LRP6: variants seen among roughly 807,000 people sequenced by gnomAD.
LRP6 encodes low-density lipoprotein receptor-related protein 6.
LRP6 carries 43 observed loss-of-function variants against 184.1 expected under a neutral mutation model. The observed-to-expected ratio is 0.23, with a 90% CI of 0.18 to 0.30. The LOEUF (loss-of-function observed/expected upper bound fraction) is 0.30, where lower values mean the gene tolerates loss of function less well. LRP6 is among the 10% of genes least tolerant of loss of function. The pLI, the probability that LRP6 is intolerant of heterozygous loss-of-function variation, is 1.00. For synonymous variants in LRP6, 719 were observed against 684.9 expected (o/e 1.05, Z -0.78); for missense variants, 1,571 against 2,005.3 (o/e 0.78, Z 4.14).
chr12:12,127,698 T>C (rs542766408), intron 19 of LRP6, among the ~76,000 whole-genome samples: 1 of 152,236 alleles, frequency 6.6e-6, no homozygotes, highest in East Asian at 1.9e-4. Context: ...GTGAGCTTAT[T>C]GAAATTAGAG....
chr12:12,130,997 A>G (rs1489434050), intron 18 of LRP6, 104 bp from the exon 19 acceptor site: 2 of 713,094 alleles, frequency 2.8e-6, no homozygotes, highest in African/African-American at 1.8e-5. Context: ...AAAACAAATT[A>G]GACTTTTAGC....
chr12:12,251,075 C>A (rs145252893), intron 1 of LRP6, among the ~76,000 whole-genome samples: 271 of 151,188 alleles, frequency 1.8e-3, no homozygotes, highest in African/African-American at 6.5e-3. Context: ...GGATTACAGG[C>A]GCTCGCCACC....
At chr12:12,162,170 A>AC in intron 10 of LRP6, 23 bp downstream of exon 10, 1 of 1,587,928 alleles carries the variant, frequency 6.3e-7, no homozygotes, top group Non-Finnish European at 8.6e-7. Context: ...AGTTGCAAAG[A>AC]ATGCACATGT....
At chr12:12,193,426 A>G (rs1863668685) in intron 3 of LRP6, among the ~76,000 whole-genome samples, 1 of 151,728 alleles carries the variant, frequency 6.6e-6, no homozygotes, top group South Asian at 2.1e-4. Context: ...AGGGGGAAAA[A>G]TCAATAAAAC....
intron 2 of LRP6, among the ~76,000 whole-genome samples, chr12:12,220,601 T>C (rs931677555): frequency 5.3e-5 from 1 of 18,820 alleles, no homozygotes. Context: ...TTTTCTTAGT[T>C]TTTTTTTTTT....
In LRP6 at chr12:12,197,986, A is replaced by G. The variant is rs373257098; in HGVS notation, c.647+5217T>C. 4.5e-3 allele frequency among the ~76,000 whole-genome samples: 691 copies of G among 152,356 alleles called. 3 individuals are homozygous for G. The highest frequency in any genetic ancestry group is 7.6e-3 in the Non-Finnish European group (519 of 68,020). The stretch of plus-strand genomic sequence containing the variant: ...CTTGTGCCCAAGAGGCAGAGGTTGC[A>G]GTGAACAGATTCTGCAACCTCTGCA... On this transcript the variant is annotated intron_variant, in intron 3 of 22. Transcript: ENST00000261349.
chr12:12,165,717 A>C (rs772597418), intron 7 of LRP6, among the ~76,000 whole-genome samples: 2 of 152,186 alleles, frequency 1.3e-5, no homozygotes, highest in Non-Finnish European at 2.9e-5. Flanking sequence ...ATGGAAACTG[A>C]GATTCATGTA....
At chr12:12,200,946 T>G (rs1863898260) in intron 3 of LRP6, among the ~76,000 whole-genome samples, 1 of 152,220 alleles carries the variant, frequency 6.6e-6, no homozygotes, top group Non-Finnish European at 1.5e-5. Flanking sequence ...AGAGCTTTTG[T>G]TTTTTCCTTT....
At chr12:12,206,346 T>A (rs897438157) in intron 2 of LRP6, among the ~76,000 whole-genome samples, 3 of 151,212 alleles carry the variant, frequency 2.0e-5, no homozygotes, top group African/African-American at 4.9e-5. Flanking sequence ...ATTGAGACCA[T>A]CCTGGCTAAC....
intron 2 of LRP6, among the ~76,000 whole-genome samples, chr12:12,221,565 G>A (rs1449505002): frequency 6.6e-6 from 1 of 152,190 alleles, no homozygotes; most frequent in Non-Finnish European, 1.5e-5. Flanking sequence ...TATCCATTAT[G>A]TGGGTTCTTT....
At chr12:12,220,155 G>GCA (rs1864450638) in intron 2 of LRP6, among the ~76,000 whole-genome samples, 1 of 152,040 alleles carries the variant, frequency 6.6e-6, no homozygotes, top group East Asian at 1.9e-4. Context: ...AGGTGTGGTG[G>GCA]CACACGCCTG....
At chr12:12,164,919 TAAA>T (rs58540250) in intron 8 of LRP6, among the ~76,000 whole-genome samples, 157 bp downstream of exon 8, 16 of 57,088 alleles carry the variant, frequency 2.8e-4, no homozygotes, top group Admixed American at 8.4e-4. Flanking sequence ...CCCTTCTCAG[TAAA>T]AAAAAAAAAA....
chr12:12,145,624 C>CTTTTTTTTTTTTTTT (rs1157764946), intron 15 of LRP6, among the ~76,000 whole-genome samples: 16 of 80,286 alleles, frequency 2.0e-4, no homozygotes, highest in Non-Finnish European at 2.6e-4. Context: ...TTTTCTTTTT[C>CTTTTTTTTTTTTTTT]TTTTTTTTTT....
chr12:12,182,127 T>C, intron 5 of LRP6, among the ~76,000 whole-genome samples: 1 of 152,134 alleles, frequency 6.6e-6, no homozygotes, highest in East Asian at 1.9e-4. Flanking sequence ...TATAATTTGA[T>C]TCAAGAAGCT....
At chr12:12,246,333 C>T (rs917067310) in intron 1 of LRP6, among the ~76,000 whole-genome samples, 1 of 151,748 alleles carries the variant, frequency 6.6e-6, no homozygotes, top group Non-Finnish European at 1.5e-5. Context: ...TTAATTCATT[C>T]CAATTTATAT....
At chr12:12,136,269 T>TTTCTG (rs1949838233) in intron 16 of LRP6, among the ~76,000 whole-genome samples, 1 of 152,186 alleles carries the variant, frequency 6.6e-6, no homozygotes, top group South Asian at 2.1e-4. Flanking sequence ...AATTCTCCTA[T>TTTCTG]ATTAAGATTT....
intron 2 of LRP6, among the ~76,000 whole-genome samples, chr12:12,232,376 G>A (rs1277402285): frequency 6.8e-6 from 1 of 147,648 alleles, no homozygotes; most frequent in Non-Finnish European, 1.5e-5. Flanking sequence ...AGAGTGAGAC[G>A]CTGTCTCAAA....
At chr12:12,261,968 C>T (rs1395384117) in intron 1 of LRP6, among the ~76,000 whole-genome samples, 6 of 152,170 alleles carry the variant, frequency 3.9e-5, no homozygotes, top group Admixed American at 6.6e-5. Context: ...AAAGGCCAGG[C>T]GCGGTGGCTC....
At chr12:12,262,098 G>A (rs185055871) in intron 1 of LRP6, among the ~76,000 whole-genome samples, 12 of 152,102 alleles carry the variant, frequency 7.9e-5, no homozygotes, top group South Asian at 2.1e-4. Flanking sequence ...CAAAAATTAG[G>A]CCGGGCACAG....
Sources: gnomAD v4.1 joint callset for allele counts (sites outside exome capture counted in the v4.1 genomes callset) on GRCh38, gnomAD v4.1.1 for gene constraint, MANE v1.5 for transcripts, NCBI Gene and HGNC (gene_info 2026-07-23, HGNC 2026-07-21) for gene names.